Variants in ATMIN observed in about 807,000 individuals in gnomAD.
ATMIN encodes the protein ATM INteracting protein.
In ATMIN, 24 loss-of-function variants were observed where a neutral mutation model predicts 49.2. The ratio of observed to expected loss-of-function variants is 0.49; its 90% confidence interval spans 0.35 to 0.69. The LOEUF is 0.69. ATMIN is among the 30% of genes least tolerant of loss of function. The pLI is 0.00. For missense variants in ATMIN, 1,037 were observed against 1,005.5 expected (o/e 1.03, Z -0.42); for synonymous variants, 450 against 392.5 (o/e 1.15, Z -1.73).
At chr16:81,040,502 G>C (rs1191574801) in intron 1 of ATMIN, 3 of 152,222 alleles carry the variant, frequency 2.0e-5, no homozygotes, top group Admixed American at 6.5e-5. Context: ...TACCTGAAGA[G>C]ATTCAGTATA....
At position 81,044,987 on chromosome 16, in the gene ATMIN, C is replaced by G; in HGVS notation, c.*17C>G. On this transcript the variant is annotated 3_prime_UTR_variant, in exon 4 of 4. Transcript: ENST00000299575. ...AACTTCTAAAACTAACGGTGGAGTC[C>G]ATGTGTGAAATGGCATCTACCATTT... 1 of 1,601,406 alleles carries G rather than the reference C, an allele frequency of 6.2e-7. No homozygotes were observed.
Position 81,043,787 on chromosome 16 carries a change from G to T in ATMIN, c.1289G>T (p.Trp430Leu). Residue 430 changes from tryptophan to leucine, a missense_variant, in exon 4 of 4, where the codon TGG (tryptophan) becomes TTG (leucine). By Grantham distance (61) the Trp-to-Leu change is moderately conservative (BLOSUM62 -2). Coordinates refer to ENST00000299575, the MANE Select transcript of ATMIN (RefSeq NM_015251.3). The part of the protein sequence containing the change: ...ASQNFIPSAQ[W>L]ATADSSVSSC... ...CAAAACTTTATACCTTCTGCACAGT[G>T]GGCCACTGCTGATTCCTCTGTGTCG... 1 of 1,614,202 alleles carries T rather than the reference G, an allele frequency of 6.2e-7. No homozygotes were observed. The highest frequency in any genetic ancestry group is 8.5e-7 in the Non-Finnish European group (1 of 1,180,038).
chr16:81,041,954 G>C (rs555891634), intron 2 of ATMIN, among the ~76,000 whole-genome samples: 2 of 152,256 alleles, frequency 1.3e-5, no homozygotes, highest in African/African-American at 4.8e-5. Flanking sequence ...TTCCCCTGAG[G>C]GTCTGCTGGA....
chr16:81,045,972 T>C lies in ATMIN; in HGVS notation c.*1002T>C, dbSNP rs1185892298. On this transcript the variant is annotated 3_prime_UTR_variant, in exon 4 of 4. Transcript: ENST00000299575. ...CAACCTGGGTAACAGGGCAAGACCC[T>C]ATCTCAAAAAAAAAAAAAGTCGCCA... 1.2e-5 allele frequency: 1 copy of C among 86,058 alleles called. No homozygotes were observed. The highest frequency in any genetic ancestry group is 1.5e-4 in the Admixed American group (1 of 6,812). The allele number at this position is 86,058 out of a possible 1,614,324, so 5.3% of individuals were successfully genotyped here.
chr16:81,039,221 C>T (rs1002923487), intron 1 of ATMIN, among the ~76,000 whole-genome samples: 6 of 152,202 alleles, frequency 3.9e-5, no homozygotes, highest in African/African-American at 1.4e-4. Context: ...ACCAGAGACT[C>T]CATCCACTTT....
At chr16:81,040,667 G>C (rs1184949313) in intron 1 of ATMIN, 2 of 152,210 alleles carry the variant, frequency 1.3e-5, no homozygotes, top group Non-Finnish European at 2.9e-5. Context: ...AAAGTAGTTT[G>C]AAGCTATGGA....
rs1971109717 is a variant in ATMIN at position 81,045,838 on chromosome 16, C to G, written c.*868C>G. On this transcript the variant is annotated 3_prime_UTR_variant, in exon 4 of 4. Transcript: ENST00000299575. ...GGAATTTTTTTTTTTTTTTAATTAG[C>G]CAGGCACAGTGGCATGCGCCTGTGA... The G allele has an allele frequency of 6.6e-6, 1 of 150,656 alleles. No individual in the cohort carries two copies. The highest frequency in any genetic ancestry group is 1.5e-5 in the Non-Finnish European group (1 of 67,828). The allele number at this position is 150,656 out of a possible 1,614,324, so 9.3% of individuals were successfully genotyped here. A position where few individuals can be genotyped will look rare whatever the true frequency, so the allele number is the denominator to read the frequency against.
chr16:81,042,189 TA>T (rs1971047459), intron 2 of ATMIN, 91 bp from the exon 3 acceptor site: 9 of 1,101,146 alleles, frequency 8.2e-6, no homozygotes, highest in Non-Finnish European at 1.2e-5. Flanking sequence ...ATTAATAGTG[TA>T]AAATCATTAT....
intron 1 of ATMIN, among the ~76,000 whole-genome samples, chr16:81,036,704 A>G (rs1292624148): frequency 6.6e-6 from 1 of 152,230 alleles, no homozygotes; most frequent in Admixed American, 6.5e-5. Flanking sequence ...ATGTGCCACA[A>G]TAACTAGAAG....
In ATMIN at chr16:81,035,965, C is replaced by T. The variant is rs1970920165; in HGVS notation, c.95C>T (p.Ala32Val). Residue 32 changes from alanine (A) to valine (V), a missense_variant, in exon 1 of 4, where the codon GCC (alanine) becomes GTC (valine). By Grantham distance (64) the Ala-to-Val change is moderately conservative. Transcript: ENST00000299575. ...VPAATTGAAA[A>V]ASGPWVPPGP... The stretch of plus-strand genomic sequence containing the variant: ...GCGGCCACGACAGGAGCCGCCGCCG[C>T]CGCCTCGGGCCCGTGGGTGCCCCCG... 2 of 1,049,202 alleles carry T rather than the reference C, an allele frequency of 1.9e-6. No homozygotes were observed. The highest frequency in any genetic ancestry group is 2.3e-6 in the Non-Finnish European group (2 of 872,638). 65.0% of individuals were successfully genotyped at this position (1,049,202 alleles called of 1,614,324 possible).
chr16:81,043,861 A>G lies in ATMIN; in HGVS notation c.1363A>G (p.Ile455Val). 1 of 1,614,082 alleles carries G rather than the reference A, an allele frequency of 6.2e-7. No homozygotes were observed. Among genetic ancestry groups the G allele is most frequent in the Non-Finnish European group, 8.5e-7 (1 of 1,179,982 alleles). Reference sequence around the variant, plus strand: ...GTTTGATTCTCAAGTGTCTCTTCCCATTAGTGTTCACACTCAGACATTTTT... The same window carrying G: ...GTTTGATTCTCAAGTGTCTCTTCCCGTTAGTGTTCACACTCAGACATTTTT... ...LSFDSQVSLP[I>V]SVHTQTFLPS... The change falls in exon 4 of 4, where the codon ATT (isoleucine) becomes GTT (valine). Residue 455 changes from isoleucine (I) to valine (V), a missense_variant. Coordinates refer to ENST00000299575, the MANE Select transcript of ATMIN (RefSeq NM_015251.3).
Position 81,046,223 on chromosome 16 carries a change from A to AAAG in ATMIN, c.*1254_*1256dup, listed in dbSNP as rs760043520. On this transcript the variant is annotated 3_prime_UTR_variant, in exon 4 of 4. Coordinates refer to ENST00000299575, the MANE Select transcript of ATMIN (RefSeq NM_015251.3). The stretch of plus-strand genomic sequence containing the variant: ...GTCACTCTAAAATTAAACAAGAAAA[A>AAAG]AAGTGGGAAAAGGGCATCCCCCATT... 4 of 152,126 alleles carry AAAG rather than the reference A, an allele frequency of 2.6e-5. No homozygotes were observed. Among genetic ancestry groups the AAAG allele is most frequent in the Non-Finnish European group, 4.4e-5 (3 of 68,028 alleles). The allele number at this position is 152,126 out of a possible 1,614,324, so 9.4% of individuals were successfully genotyped here.
chr16:81,035,905 C>A lies in ATMIN; in HGVS notation c.35C>A (p.Ser12Tyr). The change falls in exon 1 of 4, where the codon TCC becomes TAC. Residue 12 changes from serine to tyrosine, a missense_variant. By Grantham distance (144) the Ser-to-Tyr change is moderately radical. Transcript: ENST00000299575. ...AASEAAAAAG[S>Y]AALAAGARAV... is the part of the protein sequence containing the mutation. ...TCGGAGGCGGCGGCGGCGGCGGGGT[C>A]CGCGGCTCTGGCGGCGGGTGCCCGG... 1.0e-6 allele frequency: 1 copy of A among 984,682 alleles called. No homozygotes were observed. Among genetic ancestry groups the A allele is most frequent in the South Asian group, 4.5e-5 (1 of 22,098 alleles). The allele number at this position is 984,682 out of a possible 1,614,324, so 61.0% of individuals were successfully genotyped here.
intron 2 of ATMIN, 197 bp downstream of exon 2, chr16:81,041,678 C>G: frequency 1.7e-6 from 1 of 579,150 alleles, no homozygotes; most frequent in East Asian, 3.1e-5. Flanking sequence ...GGGAATATGT[C>G]TAGAACTGAG....
intron 3 of ATMIN, among the ~76,000 whole-genome samples, 165 bp downstream of exon 3, chr16:81,042,645 C>G (rs1050092132): frequency 3.5e-4 from 54 of 152,172 alleles, no homozygotes; most frequent in African/African-American, 1.2e-3. Context: ...GCAAATGACA[C>G]ATGTCTGGGC....
intron 1 of ATMIN, among the ~76,000 whole-genome samples, chr16:81,039,873 T>C (rs1461528741): frequency 6.6e-6 from 1 of 152,238 alleles, no homozygotes; most frequent in East Asian, 1.9e-4. Context: ...CTATAGACTA[T>C]ACTGTACAAA....
Position 81,047,290 on chromosome 16 carries a change from CTTAAG to C in ATMIN, c.*2323_*2327del, listed in dbSNP as rs1176939709. On this transcript the variant is annotated 3_prime_UTR_variant, in exon 4 of 4. Transcript: ENST00000299575. ...TCATAAATATGACTTATTGTATTGC[CTTAAG>C]TTTTCACTCATTGTCTTTTGAAAGC... 1 of 152,036 alleles carries C rather than the reference CTTAAG, an allele frequency of 6.6e-6. No individual in the cohort carries two copies. The highest frequency in any genetic ancestry group is 1.5e-5 in the Non-Finnish European group (1 of 68,000). 9.4% of individuals were successfully genotyped at this position (152,036 alleles called of 1,614,324 possible).
In ATMIN at chr16:81,041,402, C is replaced by G. The variant is rs757121878; in HGVS notation, c.383C>G (p.Pro128Arg). 2.5e-6 allele frequency: 4 copies of G among 1,613,490 alleles called. No individual in the cohort carries two copies. The highest frequency in any genetic ancestry group is 3.4e-6 in the Non-Finnish European group (4 of 1,179,898). The change falls in exon 2 of 4, where the codon CCG becomes CGG. Residue 128 changes from proline (P) to arginine (R), a missense_variant. Physicochemically the swap from Pro to Arg is moderately radical, Grantham distance 103. Transcript: ENST00000299575. ...ATAAGAAAAGATTTGAAAACTGGAC[C>G]GAAATTCTACTGCTGTCCAATTGAA... ...PTIRKDLKTG[P>R]KFYCCPIEGC... is the part of the protein sequence containing the mutation.
In ATMIN at chr16:81,041,422, A is replaced by G. The variant is rs556413183; in HGVS notation, c.403A>G (p.Ile135Val). 5.6e-6 allele frequency: 9 copies of G among 1,614,086 alleles called. No homozygotes were observed. Among genetic ancestry groups the G allele is most frequent in the East Asian group, 2.2e-5 (1 of 44,880 alleles). ...KTGPKFYCCP[I>V]EGCPRGPERP... ...TGGACCGAAATTCTACTGCTGTCCA[A>G]TTGAAGGCTGCCCCAGAGGCCCTGA... The change falls in exon 2 of 4, where the codon ATT becomes GTT. Residue 135 changes from isoleucine to valine, a missense_variant. By Grantham distance (29) the Ile-to-Val change is conservative. Coordinates refer to ENST00000299575, the MANE Select transcript of ATMIN (RefSeq NM_015251.3).
Sources: allele counts gnomAD v4.1 joint callset (sites outside exome capture counted in the v4.1 genomes callset), GRCh38; gene constraint gnomAD v4.1.1; transcripts MANE v1.5; gene names NCBI Gene and HGNC (gene_info 2026-07-23, HGNC 2026-07-21).